TMC5: variants seen among roughly 807,000 people sequenced by gnomAD.
The protein encoded by TMC5 is transmembrane channel like 5.
TMC5 carries 86 observed loss-of-function variants against 110.5 expected under a neutral mutation model. That is an observed-to-expected ratio of 0.78 (90% CI 0.65 to 0.93). TMC5 has a LOEUF of 0.93. Ranked by LOEUF, TMC5 falls within the 40% of genes least tolerant of loss-of-function variation. TMC5 has a pLI of 0.00. For missense variants in TMC5, 1,144 were observed against 1,222.8 expected (o/e 0.94, Z 0.96); for synonymous variants, 455 against 439.5 (o/e 1.04, Z -0.44).
At chr16:19,476,203 C>T (rs1968484682) in intron 12 of TMC5, among the ~76,000 whole-genome samples, 1 of 152,046 alleles carries the variant, frequency 6.6e-6, no homozygotes, top group Non-Finnish European at 1.5e-5. Context: ...AAAAATTAGT[C>T]AGGCATGGTG....
upstream of TMC5, among the ~76,000 whole-genome samples, chr16:19,413,498 T>G (rs1469635405): frequency 1.7e-5 from 2 of 119,968 alleles, no homozygotes; most frequent in African/African-American, 6.3e-5. Context: ...CATTCCAGGC[T>G]AGGCGACATT....
At chr16:19,452,818 A>G (rs1967779962) in intron 5 of TMC5, among the ~76,000 whole-genome samples, 1 of 151,974 alleles carries the variant, frequency 6.6e-6, no homozygotes, top group Non-Finnish European at 1.5e-5. Context: ...GAATTTCTTT[A>G]TGGCCAACTC....
At chr16:19,432,929 G>T (rs940769871) in intron 2 of TMC5, among the ~76,000 whole-genome samples, 1 of 151,970 alleles carries the variant, frequency 6.6e-6, no homozygotes, top group Non-Finnish European at 1.5e-5. Context: ...TATTATATGT[G>T]TAGATCTATT....
intron 2 of TMC5, among the ~76,000 whole-genome samples, chr16:19,437,405 T>G (rs1967372177): frequency 6.6e-6 from 1 of 152,162 alleles, no homozygotes; most frequent in Admixed American, 6.5e-5. Flanking sequence ...CAGGGAAAAG[T>G]GTTAACCACA....
At chr16:19,448,321 C>G (rs1014745298) in intron 4 of TMC5, among the ~76,000 whole-genome samples, 14 of 151,798 alleles carry the variant, frequency 9.2e-5, no homozygotes, top group African/African-American at 3.4e-4. Flanking sequence ...CACACACACA[C>G]ACACACTTTT....
intron 9 of TMC5, among the ~76,000 whole-genome samples, chr16:19,469,215 G>A (rs747002194): frequency 2.6e-5 from 4 of 151,944 alleles, no homozygotes; most frequent in Non-Finnish European, 4.4e-5. Flanking sequence ...TTGGCCGGGC[G>A]TGGTGATGGG....
At position 19,435,842 on chromosome 16, in the gene TMC5, C is replaced by T. The variant is rs561651598; in HGVS notation, c.-79-4118C>T. Among the ~76,000 whole-genome samples, 3 of 152,358 alleles carry T rather than the reference C, an allele frequency of 2.0e-5. No individual in the cohort carries two copies. In the East Asian group the frequency reaches 5.8e-4, roughly 29 times the overall value. ...TCTGTGACATTCATCCATGACGCTG[C>T]GTGCAGCAGAAGTTCAGTCTTTGTT... On this transcript the variant is annotated intron_variant, in intron 2 of 21. Transcript: ENST00000542583.
intron 15 of TMC5, among the ~76,000 whole-genome samples, chr16:19,482,263 G>T (rs1968637258): frequency 6.6e-6 from 1 of 152,028 alleles, no homozygotes; most frequent in Non-Finnish European, 1.5e-5. Flanking sequence ...TCATCATGTT[G>T]GCCAGGCTGG....
intron 2 of TMC5, among the ~76,000 whole-genome samples, chr16:19,439,406 T>C (rs568645992): frequency 3.9e-5 from 6 of 152,332 alleles, no homozygotes; most frequent in Non-Finnish European, 8.8e-5. Context: ...AGTCCTTGTT[T>C]CTTTCAATCC....
At chr16:19,416,935 A>T (rs1262289885), upstream of TMC5, among the ~76,000 whole-genome samples, 1 of 151,796 alleles carries the variant, frequency 6.6e-6, no homozygotes, top group Admixed American at 6.6e-5. Flanking sequence ...CTCTACTAAA[A>T]ATACAAAAAT....
rs1968281800 is a variant in TMC5, at chr16:19,469,776, A to G, written c.1733A>G (p.His578Arg). ...LIFCWDFTVT[H>R]EKAVKLKQKN... ...TTTTGCTGGGACTTCACTGTCACTC[A>G]TGAAAAAGCTGTGAAGCTAAAACAG... The change falls in exon 10 of 22, where the codon CAT (histidine) becomes CGT (arginine). Residue 578 changes from histidine (H) to arginine (R), a missense_variant. His to Arg is a conservative substitution (Grantham distance 29, BLOSUM62 0). Coordinates refer to ENST00000542583, the MANE Select transcript of TMC5 (RefSeq NM_001261841.2). The G allele has an allele frequency of 2.5e-6, 4 of 1,614,202 alleles. No homozygotes were observed. Among genetic ancestry groups the G allele is most frequent in the Non-Finnish European group, 3.4e-6 (4 of 1,180,014 alleles).
chr16:19,473,620 T>A (rs1392483498), intron 11 of TMC5, among the ~76,000 whole-genome samples: 1 of 152,160 alleles, frequency 6.6e-6, no homozygotes. Context: ...CCTGGGCAAG[T>A]GTCTTCCCCT....
chr16:19,414,672 T>C (rs932263118), upstream of TMC5, among the ~76,000 whole-genome samples: 2 of 152,144 alleles, frequency 1.3e-5, no homozygotes, highest in East Asian at 3.9e-4. Context: ...CTTGGGAGGC[T>C]GAGGCGGGAG....
chr16:19,491,533 A>ATTTT (rs71275925), intron 18 of TMC5, among the ~76,000 whole-genome samples: 6 of 117,846 alleles, frequency 5.1e-5, no homozygotes, highest in African/African-American at 9.8e-5. Context: ...TGTCTTAGGG[A>ATTTT]TTTTTTTTTT....
chr16:19,449,832 CTGCCCCCATGTAAGATG>C (rs142365146), intron 5 of TMC5, among the ~76,000 whole-genome samples: 10,636 of 152,144 alleles, frequency 0.07, 750 homozygotes, highest in African/African-American at 0.19. Context: ...ACTCTCTCTC[CTGCCCCCATGTAAGATG>C]TGCCCTTCTT....
In TMC5 at chr16:19,481,588, AGTCT is replaced by A. The variant is rs1169189874; in HGVS notation, c.2363+125_2363+128del. ...TGCAGGGGTGATAACCCATCCAGCC[AGTCT>A]GAGAACCATGAATTTAGCATTTAGA... On this transcript the variant is annotated intron_variant, in intron 15 of 21. Coordinates refer to ENST00000542583, the MANE Select transcript of TMC5 (RefSeq NM_001261841.2). 3 of 721,652 alleles carry A rather than the reference AGTCT, an allele frequency of 4.2e-6. No homozygotes were observed. In the African/African-American group the frequency reaches 5.3e-5, roughly 13 times the overall value. The allele number at this position is 721,652 out of a possible 1,614,324, so 44.7% of individuals were successfully genotyped here. A position where few individuals can be genotyped will look rare whatever the true frequency, so the allele number is the denominator to read the frequency against.
intron 1 of TMC5, among the ~76,000 whole-genome samples, chr16:19,424,690 G>A (rs951130486): frequency 2.0e-5 from 3 of 152,124 alleles, no homozygotes; most frequent in African/African-American, 7.2e-5. Context: ...TGAATAGCCA[G>A]GTAAAGAAGT....
rs1038692625 is a variant in TMC5 at position 19,423,578 on chromosome 16, T to C, written c.-308+5486T>C. On this transcript the variant is annotated intron_variant, in intron 1 of 21. Coordinates refer to ENST00000542583, the MANE Select transcript of TMC5 (RefSeq NM_001261841.2). ...GTTTATAAGCTTGCGTTTTGTGTCTTATAAACTACAATTATATGTTTCTTG... is the reference window on the plus strand; with the variant it reads ...GTTTATAAGCTTGCGTTTTGTGTCTCATAAACTACAATTATATGTTTCTTG... 1.2e-4 allele frequency among the ~76,000 whole-genome samples: 18 copies of C among 152,344 alleles called. No individual in the cohort carries two copies. The East Asian group carries it at 3.5e-3, about 29-fold the overall frequency.
At chr16:19,490,997 T>TCCTC (rs1223937394) in intron 18 of TMC5, among the ~76,000 whole-genome samples, 1 of 132,572 alleles carries the variant, frequency 7.5e-6, no homozygotes, top group Non-Finnish European at 1.6e-5. Flanking sequence ...CTTCCTTCCT[T>TCCTC]CCTTCCTTAC....
Sources: gnomAD v4.1 joint callset for allele counts (sites outside exome capture counted in the v4.1 genomes callset) on GRCh38, gnomAD v4.1.1 for gene constraint, MANE v1.5 for transcripts, NCBI Gene and HGNC (gene_info 2026-07-23, HGNC 2026-07-21) for gene names.